Variants in TP53BP1 observed in about 807,000 individuals in gnomAD.
TP53BP1 encodes tumor protein p53 binding protein 1.
Under a neutral mutation model 200.8 loss-of-function variants are expected in TP53BP1, and 61 were observed. The observed-to-expected ratio is 0.30, with a 90% CI of 0.25 to 0.38. TP53BP1 has a LOEUF of 0.38. TP53BP1 is among the 10% of genes least tolerant of loss of function. The pLI is 1.00. For synonymous variants in TP53BP1, 822 were observed against 844.3 expected (o/e 0.97, Z 0.46); for missense variants, 2,144 against 2,371.9 (o/e 0.90, Z 2.00).
rs67186713 is a variant in TP53BP1, at chr15:43,509,831, C to CAA, written c.-9+537_-9+538dup. On this transcript the variant is annotated intron_variant, in intron 1 of 27. Transcript: ENST00000263801. ...ATCTCCAAAGCAAAGGCAAACGGGA[C>CAA]AAAAAAAAACCCAAAAACCCAAAAA... Among the ~76,000 whole-genome samples the CAA allele has an allele frequency of 4.0e-5, 6 of 148,896 alleles. No individual in the cohort carries two copies. The East Asian group carries it at 9.8e-4, about 24-fold the overall frequency.
rs142553172 is a variant in TP53BP1 at position 43,451,297 on chromosome 15, T to C, written c.2717-3812A>G. ...GTGCTGCACCCATCAACTCGTCATTTAGCATTAGGTATATCTCTCAATGTT... is the reference window on the plus strand; with the variant it reads ...GTGCTGCACCCATCAACTCGTCATTCAGCATTAGGTATATCTCTCAATGTT... On this transcript the variant is annotated intron_variant, in intron 12 of 27. Coordinates refer to ENST00000382044, the MANE Select transcript of TP53BP1 (RefSeq NM_001141980.3). Among the ~76,000 whole-genome samples, 1,338 of 152,220 alleles carry C rather than the reference T, an allele frequency of 8.8e-3. 6 individuals carry two copies. The highest frequency in any genetic ancestry group is 0.037 in the Middle Eastern group (11 of 294).
In TP53BP1 at chr15:43,408,082, G is replaced by A. The variant is rs976797193; in HGVS notation, c.5607C>T (p.Pro1869=). 1 of 1,613,824 alleles carries A rather than the reference G, an allele frequency of 6.2e-7. No individual in the cohort carries two copies. The highest frequency in any genetic ancestry group is 8.5e-7 in the Non-Finnish European group (1 of 1,179,916). Residue 1869 remains proline, a synonymous_variant, in exon 27 of 28, where the codon CCC becomes CCT. Transcript: ENST00000382044. ...LEEQRILDWQ[P]RENPFQNLKV... Reference sequence around the variant, plus strand: ...TCAGATTCTGGAAAGGATTTTCACGGGGTTGCCTATGAAGGAGACAGGAAA... The same window carrying A: ...TCAGATTCTGGAAAGGATTTTCACGAGGTTGCCTATGAAGGAGACAGGAAA...
intron 11 of TP53BP1, among the ~76,000 whole-genome samples, chr15:43,464,606 A>G (rs2140073912): frequency 6.6e-6 from 1 of 152,262 alleles, no homozygotes; most frequent in South Asian, 2.1e-4. Context: ...ATTATTCAGC[A>G]ATAAAAAGGA....
chr15:43,442,870 G>C (rs987153149), intron 14 of TP53BP1, among the ~76,000 whole-genome samples: 1 of 134,166 alleles, frequency 7.5e-6, no homozygotes, highest in Non-Finnish European at 1.5e-5. Flanking sequence ...CTGTTGCTCA[G>C]GCTGGAGTGC....
intron 17 of TP53BP1, among the ~76,000 whole-genome samples, chr15:43,431,766 G>A (rs986449792): frequency 6.6e-6 from 1 of 151,834 alleles, no homozygotes; most frequent in African/African-American, 2.4e-5. Context: ...ACTATTCTTC[G>A]TGCTGCTTCT....
chr15:43,421,819 GC>G (rs2045407316), intron 19 of TP53BP1, 35 bp downstream of exon 19: 3 of 1,610,990 alleles, frequency 1.9e-6, no homozygotes, highest in Admixed American at 1.7e-5. Flanking sequence ...CCCTGCCCCT[GC>G]TGTGGCTCTC....
intron 1 of TP53BP1, among the ~76,000 whole-genome samples, chr15:43,502,061 T>C (rs948237078): frequency 1.3e-5 from 2 of 152,242 alleles, no homozygotes; most frequent in African/African-American, 4.8e-5. Context: ...GGCTCGTGCC[T>C]GTAATCCCAA....
chr15:43,413,131 C>T lies in TP53BP1; in HGVS notation c.5293G>A (p.Glu1765Lys). 2 of 1,614,194 alleles carry T rather than the reference C, an allele frequency of 1.2e-6. No homozygotes were observed. Among genetic ancestry groups the T allele is most frequent in the Non-Finnish European group, 1.7e-6 (2 of 1,180,040 alleles). The change falls in exon 24 of 28, where the codon GAA (glutamate) becomes AAA (lysine). Residue 1765 changes from glutamate to lysine, a missense_variant. Coordinates refer to ENST00000382044, the MANE Select transcript of TP53BP1 (RefSeq NM_001141980.3). ...KLPDGPTGSS[E>K]EEEEFLEIPP... is the part of the protein sequence containing the mutation. The stretch of plus-strand genomic sequence containing the variant: ...CCTAAGGCCTTACCCTCCTCTTCTT[C>T]ACTGCTTCCTGTAGGACCATCTGGC...
Position 43,405,479 on chromosome 15 carries a change from TTCAATAG to T in TP53BP1, c.*1897_*1903del. 1.8e-6 allele frequency: 1 copy of T among 546,242 alleles called. No homozygotes were observed. The highest frequency in any genetic ancestry group is 3.3e-6 in the Non-Finnish European group (1 of 306,288). The allele number at this position is 546,242 out of a possible 1,614,324, so 33.8% of individuals were successfully genotyped here. The stretch of plus-strand genomic sequence containing the variant: ...AACATTTGTTGGATATGTTCATTTA[TTCAATAG>T]TCATTTATTGAGCACCTACTACGTA... On this transcript the variant is annotated 3_prime_UTR_variant, in exon 28 of 28. Transcript: ENST00000382044.
At chr15:43,431,118 A>G (rs965622461) in intron 17 of TP53BP1, among the ~76,000 whole-genome samples, 1 of 152,182 alleles carries the variant, frequency 6.6e-6, no homozygotes, top group African/African-American at 2.4e-5. Flanking sequence ...AGAAAAAGGG[A>G]GGATTCATAT....
intron 18 of TP53BP1, among the ~76,000 whole-genome samples, chr15:43,427,072 G>C (rs933290519): frequency 4.6e-5 from 7 of 150,608 alleles, no homozygotes; most frequent in African/African-American, 7.3e-5. Flanking sequence ...CAATAAAATG[G>C]TTCCCAGATC....
rs2045926421 is a variant in TP53BP1, at chr15:43,441,598, A to C, written c.3041-15T>G. 6.3e-7 allele frequency: 1 copy of C among 1,591,438 alleles called. No individual in the cohort carries two copies. The highest frequency in any genetic ancestry group is 1.3e-5 in the African/African-American group (1 of 74,476). On this transcript the variant is annotated splice_polypyrimidine_tract_variant and intron_variant, in intron 14 of 27. Coordinates refer to ENST00000382044, the MANE Select transcript of TP53BP1 (RefSeq NM_001141980.3). ...AGTTGCAGGCTCTGAATAAAAACAA[A>C]ACCAAGGAGAGAAAGGAAAGAGAAA...
chr15:43,494,316 G>A (rs190785807), upstream of TP53BP1, among the ~76,000 whole-genome samples: 10 of 152,278 alleles, frequency 6.6e-5, no homozygotes, highest in South Asian at 2.1e-4. Flanking sequence ...CGTGATATAG[G>A]CAAAGCTGAA....
chr15:43,421,815 C>A (rs1324044343), intron 19 of TP53BP1, 40 bp downstream of exon 19: 1 of 1,609,614 alleles, frequency 6.2e-7, no homozygotes, highest in East Asian at 2.2e-5. Context: ...GCAACCCTGC[C>A]CCTGCTGTGG....
upstream of TP53BP1, chr15:43,493,315 G>T: frequency 1.8e-6 from 2 of 1,081,388 alleles, no homozygotes; most frequent in Non-Finnish European, 2.6e-6. Context: ...CATGGACGTT[G>T]CAGGCCCTCC....
rs775472310 is a variant in TP53BP1, at chr15:43,470,054, T to C, written c.1193A>G (p.Asp398Gly). 6 of 1,612,692 alleles carry C rather than the reference T, an allele frequency of 3.7e-6. No individual in the cohort carries two copies. The Admixed American group carries it at 1.0e-4, about 27-fold the overall frequency. Residue 398 changes from aspartate (D) to glycine (G), a missense_variant, in exon 11 of 28, where the codon GAC becomes GGC. Coordinates refer to ENST00000382044, the MANE Select transcript of TP53BP1 (RefSeq NM_001141980.3). ...TCCTTCTTCAGATAACACTGACGTG[T>C]CCATTGGCTTATCTGGTTTAAAACA... ...EQEGRQDKPM[D>G]TSVLSEEGGE...
chr15:43,473,135 A>G (rs2046768178), intron 10 of TP53BP1, among the ~76,000 whole-genome samples: 5 of 152,138 alleles, frequency 3.3e-5, no homozygotes, highest in Admixed American at 3.3e-4. Context: ...GAGTGAAGCT[A>G]CAGACCTCGC....
rs547903996 is a variant in TP53BP1 at position 43,478,125 on chromosome 15, T to C, written c.789-366A>G. 7.2e-5 allele frequency among the ~76,000 whole-genome samples: 11 copies of C among 152,270 alleles called. No homozygotes were observed. In the South Asian group the frequency reaches 2.3e-3, roughly 32 times the overall value. ...CCAATGATGCCAGTAAGGAGAACAG[T>C]CCAAACCATGACATTCCATGGAAAG... On this transcript the variant is annotated intron_variant, in intron 7 of 27. Transcript: ENST00000382044.
chr15:43,507,715 CTTTT>C (rs1179923724), intron 1 of TP53BP1, among the ~76,000 whole-genome samples: 3 of 150,518 alleles, frequency 2.0e-5, no homozygotes, highest in Admixed American at 6.6e-5. Flanking sequence ...CCACAGTTTT[CTTTT>C]TTCTTTTTTT....
Sources: allele counts gnomAD v4.1 joint callset (sites outside exome capture counted in the v4.1 genomes callset), GRCh38; gene constraint gnomAD v4.1.1; transcripts MANE v1.5; gene names NCBI Gene and HGNC (gene_info 2026-07-23, HGNC 2026-07-21).